PPARA: variants seen among roughly 807,000 people sequenced by gnomAD.
PPARA encodes peroxisome proliferator activated receptor alpha.
A neutral mutation model predicts 42.2 loss-of-function variants in PPARA; 22 were observed. The observed-to-expected ratio is 0.52, with a 90% CI of 0.37 to 0.74. The LOEUF (loss-of-function observed/expected upper bound fraction) is 0.74, where lower values mean the gene tolerates loss of function less well. PPARA is among the 30% of genes least tolerant of loss of function. The probability of loss-of-function intolerance (pLI) is 0.00; values close to 1 mark genes in which losing one functional copy is unlikely to be tolerated. For synonymous variants in PPARA, 242 were observed against 239.3 expected (o/e 1.01, Z -0.10); for missense variants, 465 against 608.2 (o/e 0.76, Z 2.48).
intron 3 of PPARA, among the ~76,000 whole-genome samples, chr22:46,197,538 G>A (rs1351412847): frequency 6.6e-6 from 1 of 152,206 alleles, no homozygotes; most frequent in Non-Finnish European, 1.5e-5. Flanking sequence ...CTGGAGGAGA[G>A]GCTCAGTGGT....
At chr22:46,214,438 A>AGGAGATGCGTGGGTCC (rs1934247146) in intron 4 of PPARA, among the ~76,000 whole-genome samples, 1 of 150,068 alleles carries the variant, frequency 6.7e-6, no homozygotes, top group Non-Finnish European at 1.5e-5. Flanking sequence ...GTGGAGGGCT[A>AGGAGATGCGTGGGTCC]GGAGATGCGT....
At position 46,230,715 on chromosome 22, in the gene PPARA, G is replaced by C. The variant is rs980423834; in HGVS notation, c.712-1077G>C. On this transcript the variant is annotated intron_variant, in intron 7 of 8. Coordinates refer to ENST00000407236, the MANE Select transcript of PPARA (RefSeq NM_005036.6). The surrounding 1 kb of genome is among the most constrained non-coding windows in gnomAD (Gnocchi z 5.0). ...CACTTGCTCCAGAATATGGAGCACC[G>C]AGTGAAGGTTTCAGTTTCCTGCACT... is the stretch of plus-strand genomic sequence containing the variant. Among the ~76,000 whole-genome samples, 2 of 152,202 alleles carry C rather than the reference G, an allele frequency of 1.3e-5. No individual in the cohort carries two copies. Among genetic ancestry groups the C allele is most frequent in the Non-Finnish European group, 2.9e-5 (2 of 68,036 alleles).
Position 46,235,864 on chromosome 22 carries a change from G to C in PPARA, c.*484G>C. ...CCAAAGGTGAAGTATGTAAAAAGCA[G>C]CAAAATATTTATTTCAAAGACTTCA... On this transcript the variant is annotated 3_prime_UTR_variant, in exon 9 of 9. Transcript: ENST00000407236. This position sits in a 1 kb window ranked among gnomAD's most constrained non-coding sequence, Gnocchi z 7.0. 6.0e-6 allele frequency: 1 copy of C among 165,372 alleles called. No individual in the cohort carries two copies. 10.2% of individuals were successfully genotyped at this position (165,372 alleles called of 1,614,324 possible).
Position 46,241,987 on chromosome 22 carries a change from G to T in PPARA, c.*6607G>T, listed in dbSNP as rs1352978197. 3 of 151,942 alleles carry T rather than the reference G, an allele frequency of 2.0e-5. No homozygotes were observed. The highest frequency in any genetic ancestry group is 6.6e-5 in the Admixed American group (1 of 15,234). The allele number at this position is 151,942 out of a possible 1,614,324, so 9.4% of individuals were successfully genotyped here. A position where few individuals can be genotyped will look rare whatever the true frequency, so the allele number is the denominator to read the frequency against. On this transcript the variant is annotated 3_prime_UTR_variant, in exon 9 of 9. Transcript: ENST00000407236. The surrounding 1 kb of genome is among the most constrained non-coding windows in gnomAD (Gnocchi z 5.7). The stretch of plus-strand genomic sequence containing the variant: ...AGATAGCAAACTAAGACCTGGGGAG[G>T]GGGGTCAGCTTTTATTTTATTTTAT...
At chr22:46,153,277 C>T (rs1924754349) in intron 2 of PPARA, among the ~76,000 whole-genome samples, 1 of 143,962 alleles carries the variant, frequency 6.9e-6, no homozygotes, top group Non-Finnish European at 1.5e-5. Context: ...TCGAACAATA[C>T]TCCTGCCTCA....
chr22:46,154,634 T>A (rs1924976356), intron 2 of PPARA, among the ~76,000 whole-genome samples: 1 of 151,906 alleles, frequency 6.6e-6, no homozygotes, highest in African/African-American at 2.4e-5. Flanking sequence ...AAATAAATAT[T>A]TATGTAATCA....
At chr22:46,207,775 C>G (rs1243999799) in intron 4 of PPARA, among the ~76,000 whole-genome samples, 5 of 146,880 alleles carry the variant, frequency 3.4e-5, no homozygotes, top group East Asian at 2.0e-4. Context: ...TCTCAAACAC[C>G]TGGTCTCAAG....
At chr22:46,177,721 C>T (rs567761152) in intron 3 of PPARA, among the ~76,000 whole-genome samples, 173 of 151,812 alleles carry the variant, frequency 1.1e-3, no homozygotes, top group Non-Finnish European at 2.1e-3. Flanking sequence ...GAACCTCAGG[C>T]GTGTACCCGG....
Position 46,216,209 on chromosome 22 carries a change from C to T in PPARA, c.369+876C>T, listed in dbSNP as rs1934471143. ...ACCAGCCTGGCCAACATGGTGAAAC[C>T]CTGTCTCTACTAAAAATACAAAAAT... is the stretch of plus-strand genomic sequence containing the variant. On this transcript the variant is annotated intron_variant, in intron 5 of 8. Coordinates refer to ENST00000407236, the MANE Select transcript of PPARA (RefSeq NM_005036.6). This position sits in a 1 kb window ranked among gnomAD's most constrained non-coding sequence, Gnocchi z 4.5. Among the ~76,000 whole-genome samples the T allele has an allele frequency of 6.6e-6, 1 of 151,896 alleles. No individual in the cohort carries two copies. The highest frequency in any genetic ancestry group is 1.5e-5 in the Non-Finnish European group (1 of 67,970).
In PPARA at chr22:46,237,730, G is replaced by T. The variant is rs1936263055; in HGVS notation, c.*2350G>T. 1 of 152,194 alleles carries T rather than the reference G, an allele frequency of 6.6e-6. No homozygotes were observed. The highest frequency in any genetic ancestry group is 1.5e-5 in the Non-Finnish European group (1 of 68,056). 9.4% of individuals were successfully genotyped at this position (152,194 alleles called of 1,614,324 possible). A position where few individuals can be genotyped will look rare whatever the true frequency, so the allele number is the denominator to read the frequency against. The stretch of plus-strand genomic sequence containing the variant: ...AGCAAATAAAAGTGTTTCCATATAT[G>T]CCACCAGCCAAGTGGCCATCCTAAT... On this transcript the variant is annotated 3_prime_UTR_variant, in exon 9 of 9. Transcript: ENST00000407236. This position sits in a 1 kb window ranked among gnomAD's most constrained non-coding sequence, Gnocchi z 6.7.
rs145024670 is a variant in PPARA, at chr22:46,232,373, G to C, written c.1159+134G>C. On this transcript the variant is annotated intron_variant, in intron 8 of 8. Coordinates refer to ENST00000407236, the MANE Select transcript of PPARA (RefSeq NM_005036.6). The surrounding 1 kb of genome is among the most constrained non-coding windows in gnomAD (Gnocchi z 5.3). ...ACACTCACATGGTGGGAAGACGTCT[G>C]ACCCCCAGTCACTGCTGAGAATTCA... The C allele has an allele frequency of 9.7e-6, 8 of 827,008 alleles. No individual in the cohort carries two copies. Among genetic ancestry groups the C allele is most frequent in the Non-Finnish European group, 1.7e-5 (8 of 480,836 alleles). 51.2% of individuals were successfully genotyped at this position (827,008 alleles called of 1,614,324 possible). A position where few individuals can be genotyped will look rare whatever the true frequency, so the allele number is the denominator to read the frequency against.
At chr22:46,157,546 C>A (rs1388880802) in intron 2 of PPARA, among the ~76,000 whole-genome samples, 1 of 152,224 alleles carries the variant, frequency 6.6e-6, no homozygotes, top group Non-Finnish European at 1.5e-5. Context: ...GGGTCCCCTT[C>A]ATAATCATCA....
intron 4 of PPARA, among the ~76,000 whole-genome samples, chr22:46,201,592 G>A (rs1469697055): frequency 6.6e-6 from 1 of 152,108 alleles, no homozygotes; most frequent in Non-Finnish European, 1.5e-5. Context: ...TAATGGCCTT[G>A]ACAATGACCG....
chr22:46,153,954 C>G (rs948099959), intron 2 of PPARA, among the ~76,000 whole-genome samples: 1 of 152,078 alleles, frequency 6.6e-6, no homozygotes, highest in African/African-American at 2.4e-5. Context: ...CTTGCTTTAT[C>G]GAGTAGGTTA....
chr22:46,235,239 C>T lies in PPARA; in HGVS notation c.1266C>T (p.Leu422=). The part of the protein sequence containing the change: ...LQSNHPDDIF[L]FPKLLQKMAD... The stretch of plus-strand genomic sequence containing the variant: ...GCAACCACCCGGACGATATCTTTCT[C>T]TTCCCAAAACTTCTTCAAAAAATGG... Residue 422 remains leucine (L), a synonymous_variant, in exon 9 of 9, where the codon CTC becomes CTT. Coordinates refer to ENST00000407236, the MANE Select transcript of PPARA (RefSeq NM_005036.6). The surrounding 1 kb of genome is among the most constrained non-coding windows in gnomAD (Gnocchi z 7.0). 2 of 1,614,106 alleles carry T rather than the reference C, an allele frequency of 1.2e-6. No homozygotes were observed. The highest frequency in any genetic ancestry group is 1.3e-5 in the African/African-American group (1 of 75,046).
intron 4 of PPARA, among the ~76,000 whole-genome samples, chr22:46,214,932 C>T (rs4253733): frequency 0.026 from 4,003 of 152,086 alleles, 190 homozygotes; most frequent in African/African-American, 0.092. Context: ...GGGTCCGGAG[C>T]TCGGGGTCAG....
rs779053935 is a variant in PPARA at position 46,218,385 on chromosome 22, C to A, written c.492C>A (p.Val164=). 1.2e-6 allele frequency: 2 copies of A among 1,614,086 alleles called. No individual in the cohort carries two copies. Among genetic ancestry groups the A allele is most frequent in the Admixed American group, 1.7e-5 (1 of 60,018 alleles). ...QYCRFHKCLS[V]GMSHNAIRFG... ...GTCGATTTCACAAGTGCCTTTCTGT[C>A]GGGATGTCACACAACGGTAGGTAAG... Residue 164 remains valine, a synonymous_variant, in exon 6 of 9, where the codon GTC becomes GTA. Transcript: ENST00000407236.
intron 7 of PPARA, 171 bp downstream of exon 7, chr22:46,220,185 C>T: frequency 1.2e-6 from 1 of 801,486 alleles, no homozygotes; most frequent in Non-Finnish European, 2.1e-6. Flanking sequence ...TGTAGCTTAA[C>T]AACAACTCCT....
At chr22:46,181,886 A>G (rs565794102) in intron 3 of PPARA, among the ~76,000 whole-genome samples, 52 of 152,352 alleles carry the variant, frequency 3.4e-4, no homozygotes, top group Non-Finnish European at 6.0e-4. Flanking sequence ...CTCAGGTGGA[A>G]AGAAAAAGCC....
Sources: allele counts gnomAD v4.1 joint callset (sites outside exome capture counted in the v4.1 genomes callset), GRCh38; gene constraint gnomAD v4.1.1; non-coding constraint Gnocchi (gnomAD v3.1); transcripts MANE v1.5; gene names NCBI Gene and HGNC (gene_info 2026-07-23, HGNC 2026-07-21).